The following EPAS1 variants were observed in gnomAD, a reference collection of about 807,000 sequenced individuals.
EPAS1 encodes the protein endothelial PAS domain-containing protein 1.
A neutral mutation model predicts 87.9 loss-of-function variants in EPAS1; 23 were observed. That is an observed-to-expected ratio of 0.26 (90% CI 0.19 to 0.37). EPAS1 has a LOEUF of 0.37. Among genes scored for constraint, EPAS1 ranks in the 10% least tolerant of loss-of-function variants. The pLI, the probability that EPAS1 is intolerant of heterozygous loss-of-function variation, is 1.00. For synonymous variants in EPAS1, 508 were observed against 444.3 expected (o/e 1.14, Z -1.80); for missense variants, 1,138 against 1,120.7 (o/e 1.02, Z -0.22).
chr2:46,350,667 A>G (rs79139471), intron 2 of EPAS1, among the ~76,000 whole-genome samples: 3,336 of 152,330 alleles, frequency 0.022, 123 homozygotes, highest in African/African-American at 0.076. Context: ...ATCAGGGTCA[A>G]CTCTGCATTC....
intron 1 of EPAS1, among the ~76,000 whole-genome samples, chr2:46,299,988 G>C (rs1682964972): frequency 6.6e-6 from 1 of 152,264 alleles, no homozygotes; most frequent in Admixed American, 6.5e-5. Flanking sequence ...ACGCGAGGGT[G>C]TCCGCCCTCT....
intron 1 of EPAS1, among the ~76,000 whole-genome samples, chr2:46,339,605 T>A (rs746736748): frequency 7.9e-5 from 12 of 152,394 alleles, no homozygotes; most frequent in Admixed American, 2.6e-4. Context: ...TGTTTTAGAC[T>A]GTAGTGTGTG....
rs183046269 is a variant in EPAS1 at position 46,320,452 on chromosome 2, C to T, written c.26+22515C>T. On this transcript the variant is annotated intron_variant, in intron 1 of 15. Coordinates refer to ENST00000263734, the MANE Select transcript of EPAS1 (RefSeq NM_001430.5). ...AACTCCTACGTGGAAAAGTGCACGC[C>T]GCTTGCAGATGACTTTTGCAGTGCT... Among the ~76,000 whole-genome samples the T allele has an allele frequency of 1.6e-3, 247 of 152,284 alleles. 2 individuals carry two copies. Among genetic ancestry groups the T allele is most frequent in the African/African-American group, 5.5e-3 (230 of 41,534 alleles).
chr2:46,347,150 C>A lies in EPAS1; in HGVS notation c.217+87C>A. On this transcript the variant is annotated intron_variant, in intron 2 of 15. Transcript: ENST00000263734. The surrounding 1 kb of genome is among the most constrained non-coding windows in gnomAD (Gnocchi z 4.2). Reference sequence around the variant, plus strand: ...GCAGGGGACCCTTCTGCTGCCAGAGCTGGAAAGTCACCCCACTACAGAACT... The same window carrying A: ...GCAGGGGACCCTTCTGCTGCCAGAGATGGAAAGTCACCCCACTACAGAACT... The A allele has an allele frequency of 6.7e-7, 1 of 1,500,858 alleles. No homozygotes were observed. The highest frequency in any genetic ancestry group is 9.3e-7 in the Non-Finnish European group (1 of 1,079,502). The allele number at this position is 1,500,858 out of a possible 1,614,324, so 93.0% of individuals were successfully genotyped here.
chr2:46,318,894 A>G (rs1360913052), intron 1 of EPAS1, among the ~76,000 whole-genome samples: 4 of 152,214 alleles, frequency 2.6e-5, no homozygotes, highest in African/African-American at 9.6e-5. Flanking sequence ...TCTTGCTACT[A>G]AGTTACAAAG....
At chr2:46,384,229 G>A (rs932322990) in intron 15 of EPAS1, among the ~76,000 whole-genome samples, 14 of 152,206 alleles carry the variant, frequency 9.2e-5, no homozygotes, top group Non-Finnish European at 1.6e-4. Context: ...GGAGGCATGG[G>A]GGTCAGCAAC....
intron 4 of EPAS1, among the ~76,000 whole-genome samples, chr2:46,359,307 C>T (rs1055918413): frequency 4.3e-5 from 6 of 141,104 alleles, no homozygotes; most frequent in Non-Finnish European, 7.6e-5. Flanking sequence ...TGGGGAGAAT[C>T]CAGAGGTTAG....
chr2:46,381,885 C>G (rs1376418382), intron 13 of EPAS1, 90 bp from the exon 14 acceptor site: 1 of 1,526,812 alleles, frequency 6.5e-7, no homozygotes, highest in African/African-American at 1.4e-5. Flanking sequence ...CAGCAAGTGC[C>G]AGCCCTGTTC....
intron 2 of EPAS1, among the ~76,000 whole-genome samples, chr2:46,348,094 G>A (rs932124078): frequency 6.6e-6 from 1 of 152,138 alleles, no homozygotes; most frequent in Non-Finnish European, 1.5e-5. Flanking sequence ...AGGCTGGGAG[G>A]CCAGACCAGA....
Position 46,360,850 on chromosome 2 carries a change from C to G in EPAS1, c.574-35C>G, listed in dbSNP as rs776380334. On this transcript the variant is annotated intron_variant, in intron 5 of 15. Coordinates refer to ENST00000263734, the MANE Select transcript of EPAS1 (RefSeq NM_001430.5). This position sits in a 1 kb window ranked among gnomAD's most constrained non-coding sequence, Gnocchi z 4.5. ...GCCCTACCCCCACCCCCAGCACTCT[C>G]GGCTCCATGTCTGACCCTTCCACGC... 7 of 1,613,864 alleles carry G rather than the reference C, an allele frequency of 4.3e-6. No homozygotes were observed. The highest frequency in any genetic ancestry group is 5.9e-6 in the Non-Finnish European group (7 of 1,179,804).
In EPAS1 at chr2:46,327,146, T is replaced by C. The variant is rs1216499685; in HGVS notation, c.27-19727T>C. On this transcript the variant is annotated intron_variant, in intron 1 of 15. Transcript: ENST00000263734. ...TTTCCTCATCTGTACAATGAAGAGA[T>C]TAGACTGGATAAATGCTAACATTTT... Among the ~76,000 whole-genome samples, 3 of 152,312 alleles carry C rather than the reference T, an allele frequency of 2.0e-5. No individual in the cohort carries two copies. In the East Asian group the frequency reaches 5.8e-4, roughly 29 times the overall value.
chr2:46,375,954 C>T lies in EPAS1; in HGVS notation c.1034+117C>T. 1 of 1,392,516 alleles carries T rather than the reference C, an allele frequency of 7.2e-7. No homozygotes were observed. The highest frequency in any genetic ancestry group is 1.2e-5 in the South Asian group (1 of 85,636). The allele number at this position is 1,392,516 out of a possible 1,614,324, so 86.3% of individuals were successfully genotyped here. On this transcript the variant is annotated intron_variant, in intron 8 of 15. Transcript: ENST00000263734. The surrounding 1 kb of genome is among the most constrained non-coding windows in gnomAD (Gnocchi z 4.1). ...GGCCTCTCAGCGCCCTGGGCACCAC[C>T]TCAGGGAGGTCTTGCAGGGCTAACC...
At chr2:46,373,112 A>G (rs1307930626) in intron 7 of EPAS1, among the ~76,000 whole-genome samples, 1 of 152,232 alleles carries the variant, frequency 6.6e-6, no homozygotes, top group African/African-American at 2.4e-5. Flanking sequence ...GAAGCAAATC[A>G]TAACCCTCTG....
chr2:46,337,230 A>G (rs1271899083), intron 1 of EPAS1, among the ~76,000 whole-genome samples: 1 of 152,222 alleles, frequency 6.6e-6, no homozygotes, highest in Non-Finnish European at 1.5e-5. Context: ...GACAGAAGCC[A>G]CAGAAGTGAA....
intron 1 of EPAS1, among the ~76,000 whole-genome samples, chr2:46,310,078 C>T (rs1370351201): frequency 3.9e-5 from 6 of 152,168 alleles, no homozygotes; most frequent in Non-Finnish European, 1.5e-5. Context: ...TTCTTTTTGG[C>T]CTGTACCACT....
At chr2:46,373,072 A>G (rs1684661337) in intron 7 of EPAS1, among the ~76,000 whole-genome samples, 1 of 152,236 alleles carries the variant, frequency 6.6e-6, no homozygotes, top group Admixed American at 6.5e-5. Flanking sequence ...TGTGTAGCTC[A>G]GACTCTGTCA....
At chr2:46,363,831 A>C (rs573258827) in intron 6 of EPAS1, among the ~76,000 whole-genome samples, 10 of 152,222 alleles carry the variant, frequency 6.6e-5, no homozygotes, top group African/African-American at 2.4e-4. Flanking sequence ...GTCTGAATTC[A>C]GTGGTGCTGG....
At chr2:46,363,780 CA>C (rs540393074) in intron 6 of EPAS1, among the ~76,000 whole-genome samples, 3 of 152,202 alleles carry the variant, frequency 2.0e-5, no homozygotes, top group Non-Finnish European at 4.4e-5. Context: ...GCATTTTCAG[CA>C]AAATCTTGCC....
At chr2:46,356,129 T>TGGGGGGGGGGGGG in intron 2 of EPAS1, 22 bp from the exon 3 acceptor site, 3 of 1,242,732 alleles carry the variant, frequency 2.4e-6, no homozygotes, top group Non-Finnish European at 3.4e-6. Context: ...ATGCAAGCTG[T>TGGGGGGGGGGGGG]CCCACCCCCC....
Sources: gnomAD v4.1 joint callset for allele counts (sites outside exome capture counted in the v4.1 genomes callset) on GRCh38, gnomAD v4.1.1 for gene constraint, Gnocchi (gnomAD v3.1) non-coding constraint, MANE v1.5 for transcripts, NCBI Gene and HGNC (gene_info 2026-07-23, HGNC 2026-07-21) for gene names.